VPS8: variants seen among roughly 807,000 people sequenced by gnomAD.
VPS8 encodes VPS8 subunit of CORVET complex.
In VPS8, 129 loss-of-function variants were observed where a neutral mutation model predicts 216.4. The observed-to-expected ratio is 0.60, with a 90% CI of 0.52 to 0.69. VPS8 has a LOEUF of 0.69. VPS8 is among the 30% of genes least tolerant of loss of function. The pLI is 0.00. For synonymous variants in VPS8, 571 were observed against 565.4 expected (o/e 1.01, Z -0.14); for missense variants, 1,531 against 1,683.5 (o/e 0.91, Z 1.59).
intron 46 of VPS8, among the ~76,000 whole-genome samples, chr3:185,042,857 C>G (rs1711992391): frequency 6.6e-6 from 1 of 152,184 alleles, no homozygotes; most frequent in Admixed American, 6.5e-5. Flanking sequence ...TGTTGCCTTT[C>G]AAAGCAGGTT....
At chr3:184,880,264 C>T (rs1317235911) in intron 21 of VPS8, among the ~76,000 whole-genome samples, 1 of 152,134 alleles carries the variant, frequency 6.6e-6, no homozygotes, top group African/African-American at 2.4e-5. Context: ...ACATTTTCAT[C>T]ACCACATGGA....
At chr3:184,864,989 A>T (rs1042826140) in intron 16 of VPS8, among the ~76,000 whole-genome samples, 1 of 152,208 alleles carries the variant, frequency 6.6e-6, no homozygotes, top group African/African-American at 2.4e-5. Flanking sequence ...ATTTGAAAAG[A>T]TGCACATCAG....
At chr3:185,005,464 A>G (rs1306567751) in intron 45 of VPS8, among the ~76,000 whole-genome samples, 1 of 152,172 alleles carries the variant, frequency 6.6e-6, no homozygotes, top group Admixed American at 6.5e-5. Flanking sequence ...TGCTTTTGGC[A>G]GTATGGTCAT....
At chr3:185,031,684 T>G (rs1435788892) in intron 46 of VPS8, among the ~76,000 whole-genome samples, 1 of 152,154 alleles carries the variant, frequency 6.6e-6, no homozygotes, top group Non-Finnish European at 1.5e-5. Context: ...AGATGTCAGC[T>G]TGGTATGAGA....
At chr3:184,902,318 A>G (rs2108995815) in intron 25 of VPS8, among the ~76,000 whole-genome samples, 1 of 151,440 alleles carries the variant, frequency 6.6e-6, no homozygotes, top group African/African-American at 2.4e-5. Flanking sequence ...TCTACCAAAA[A>G]TATAAAAATT....
At chr3:184,915,988 T>C (rs1261194628) in intron 28 of VPS8, among the ~76,000 whole-genome samples, 7 of 152,164 alleles carry the variant, frequency 4.6e-5, no homozygotes, top group Admixed American at 3.9e-4. Flanking sequence ...CCTCCCTCCT[T>C]CTATCCCTCC....
At chr3:184,896,453 C>G (rs1441777644) in intron 23 of VPS8, among the ~76,000 whole-genome samples, 1 of 152,120 alleles carries the variant, frequency 6.6e-6, no homozygotes, top group Non-Finnish European at 1.5e-5. Context: ...TCCTAGGTTA[C>G]TGCCCTATCT....
At chr3:184,933,331 A>G (rs1001752486) in intron 34 of VPS8, among the ~76,000 whole-genome samples, 3 of 151,954 alleles carry the variant, frequency 2.0e-5, no homozygotes, top group African/African-American at 7.3e-5. Context: ...GCCTTTTCAT[A>G]TGTTTATTGG....
At chr3:185,036,015 T>C (rs1758827086) in intron 46 of VPS8, among the ~76,000 whole-genome samples, 1 of 152,018 alleles carries the variant, frequency 6.6e-6, no homozygotes, top group Non-Finnish European at 1.5e-5. Flanking sequence ...TCTATAGCCA[T>C]AAAACAAAAC....
At chr3:184,843,933 A>G (rs752471539) in intron 8 of VPS8, among the ~76,000 whole-genome samples, 3 of 152,194 alleles carry the variant, frequency 2.0e-5, no homozygotes, top group Non-Finnish European at 4.4e-5. Flanking sequence ...GAAAATATCC[A>G]ACTAGCAATG....
In VPS8 at chr3:185,052,122, A is replaced by G; in HGVS notation, c.*97A>G. 10 of 1,394,966 alleles carry G rather than the reference A, an allele frequency of 7.2e-6. No individual in the cohort carries two copies. The highest frequency in any genetic ancestry group is 9.5e-6 in the Non-Finnish European group (10 of 1,054,606). The allele number at this position is 1,394,966 out of a possible 1,614,324, so 86.4% of individuals were successfully genotyped here. On this transcript the variant is annotated 3_prime_UTR_variant, in exon 48 of 48. Coordinates refer to ENST00000625842, the MANE Select transcript of VPS8 (RefSeq NM_001009921.3). ...GTGGGCTTGGCCTCCACCACCTCCC[A>G]CGCTTCTGAGAAGAGGTTCCAAATT...
At chr3:185,017,137 T>C (rs1022289543) in intron 45 of VPS8, among the ~76,000 whole-genome samples, 4 of 152,088 alleles carry the variant, frequency 2.6e-5, no homozygotes, top group South Asian at 2.1e-4. Context: ...TATAAACTTA[T>C]AGGTACAGAA....
chr3:184,963,829 C>T (rs1007610923), intron 37 of VPS8, among the ~76,000 whole-genome samples: 1 of 151,918 alleles, frequency 6.6e-6, no homozygotes, highest in Non-Finnish European at 1.5e-5. Context: ...TGTCATGATT[C>T]GGTGCTGTAT....
In VPS8 at chr3:184,890,464, TTAGG is replaced by T. The variant is rs1407502559; in HGVS notation, c.1782-4237_1782-4234del. On this transcript the variant is annotated intron_variant, in intron 22 of 47. Coordinates refer to ENST00000625842, the MANE Select transcript of VPS8 (RefSeq NM_001009921.3). Reference sequence around the variant, plus strand: ...TTATTTTCACATATTATATTGTTTCTTAGGTGGGTGAAATTATAAACATAATACA... The same window carrying T: ...TTATTTTCACATATTATATTGTTTCTTGGGTGAAATTATAAACATAATACA... 7.2e-5 allele frequency among the ~76,000 whole-genome samples: 11 copies of T among 152,088 alleles called. No individual in the cohort carries two copies. The East Asian group carries it at 1.5e-3, about 21-fold the overall frequency.
intron 40 of VPS8, among the ~76,000 whole-genome samples, chr3:184,981,232 G>A (rs1750145596): frequency 6.6e-6 from 1 of 152,088 alleles, no homozygotes; most frequent in African/African-American, 2.4e-5. Context: ...TCCAGTGGGG[G>A]CTGCCAGCTA....
At chr3:184,935,543 T>C (rs1741455921) in intron 34 of VPS8, among the ~76,000 whole-genome samples, 1 of 152,174 alleles carries the variant, frequency 6.6e-6, no homozygotes, top group Non-Finnish European at 1.5e-5. Context: ...AGCCGTGTAT[T>C]GTGGTTGTGT....
chr3:184,877,260 G>A (rs1729434560), intron 21 of VPS8, among the ~76,000 whole-genome samples: 2 of 152,148 alleles, frequency 1.3e-5, no homozygotes, highest in East Asian at 1.9e-4. Flanking sequence ...CTCATTCAAT[G>A]TCAGTTTTCT....
intron 29 of VPS8, among the ~76,000 whole-genome samples, chr3:184,921,453 C>G (rs2109139602): frequency 6.6e-6 from 1 of 152,336 alleles, no homozygotes; most frequent in East Asian, 1.9e-4. Context: ...TTCTTAAAAA[C>G]TGTGTAATAC....
intron 21 of VPS8, among the ~76,000 whole-genome samples, chr3:184,876,209 C>T (rs1438229715): frequency 1.3e-5 from 2 of 152,060 alleles, no homozygotes. Context: ...TATTGATTCT[C>T]TTTGTTTATT....
Sources: allele counts gnomAD v4.1 joint callset (sites outside exome capture counted in the v4.1 genomes callset), GRCh38; gene constraint gnomAD v4.1.1; transcripts MANE v1.5; gene names NCBI Gene and HGNC (gene_info 2026-07-23, HGNC 2026-07-21).